The following SORCS2 variants were observed in gnomAD, a reference collection of about 807,000 sequenced individuals.
The protein encoded by SORCS2 is VPS10 domain-containing receptor SorCS2.
Under a neutral mutation model 141.6 loss-of-function variants are expected in SORCS2, and 100 were observed. The ratio of observed to expected loss-of-function variants is 0.71; its 90% CI spans 0.60 to 0.83. The LOEUF is 0.83. Ranked by LOEUF, SORCS2 falls within the 40% of genes least tolerant of loss-of-function variation. The pLI, the probability that SORCS2 is intolerant of heterozygous loss-of-function variation, is 0.00. For synonymous variants in SORCS2, 789 were observed against 676.9 expected, an observed-to-expected ratio of 1.17 and a Z score of -2.57; for missense variants, 1,646 against 1,560.2, an observed-to-expected ratio of 1.05 and a Z score of -0.93.
intron 1 of SORCS2, among the ~76,000 whole-genome samples, chr4:7,387,540 C>T (rs946235554): frequency 4.2e-4 from 64 of 150,614 alleles, no homozygotes; most frequent in Non-Finnish European, 4.6e-4. Context: ...CACATGCACA[C>T]ACATGCACAT....
chr4:7,597,791 G>T (rs555088270), intron 3 of SORCS2, among the ~76,000 whole-genome samples: 1 of 151,944 alleles, frequency 6.6e-6, no homozygotes, highest in Non-Finnish European at 1.5e-5. Flanking sequence ...CAGCTCAAAG[G>T]TCAGGCAGAA....
At position 7,667,274 on chromosome 4, in the gene SORCS2, G is replaced by A. The variant is rs539374155; in HGVS notation, c.1161+61G>A. The A allele has an allele frequency of 2.2e-4, 324 of 1,477,878 alleles. 1 individual carries two copies. The highest frequency in any genetic ancestry group is 2.1e-3 in the Middle Eastern group (12 of 5,728). 91.5% of individuals were successfully genotyped at this position (1,477,878 alleles called of 1,614,324 possible). On this transcript the variant is annotated intron_variant, in intron 8 of 26. Coordinates refer to ENST00000507866, the MANE Select transcript of SORCS2 (RefSeq NM_020777.3). ...AGACCCTAAGCTTATCCTGACTCAT[G>A]GGGCAACAGGACTCACACACAGGTG...
At chr4:7,391,290 C>T (rs1046880028) in intron 1 of SORCS2, among the ~76,000 whole-genome samples, 1 of 152,242 alleles carries the variant, frequency 6.6e-6, no homozygotes, top group African/African-American at 2.4e-5. Context: ...TTCCTCTGAG[C>T]CAGCCCCCTT....
chr4:7,591,810 C>T (rs1409469124), intron 3 of SORCS2, among the ~76,000 whole-genome samples: 4 of 152,258 alleles, frequency 2.6e-5, no homozygotes, highest in Middle Eastern at 3.4e-3. Context: ...CAGGGGTGCC[C>T]GCCGCACGGA....
intron 17 of SORCS2, among the ~76,000 whole-genome samples, chr4:7,716,849 A>T (rs1436272040): frequency 6.6e-6 from 1 of 152,252 alleles, no homozygotes; most frequent in Non-Finnish European, 1.5e-5. Context: ...ATTTCATCTC[A>T]TACCATCTGC....
chr4:7,463,002 G>C (rs1729405664), intron 2 of SORCS2, among the ~76,000 whole-genome samples: 1 of 151,774 alleles, frequency 6.6e-6, no homozygotes, highest in South Asian at 2.1e-4. Flanking sequence ...ACACCTCCCT[G>C]GTCTCTGCCA....
At chr4:7,491,008 C>T (rs1731283853) in intron 2 of SORCS2, among the ~76,000 whole-genome samples, 1 of 152,194 alleles carries the variant, frequency 6.6e-6, no homozygotes, top group African/African-American at 2.4e-5. Flanking sequence ...CCTCTCTGTC[C>T]CTGCCCTGCC....
chr4:7,240,069 C>T (rs1712585487), intron 1 of SORCS2, among the ~76,000 whole-genome samples: 1 of 152,188 alleles, frequency 6.6e-6, no homozygotes, highest in African/African-American at 2.4e-5. Context: ...CTAATTTCAG[C>T]TCTTGCCCTT....
chr4:7,487,860 T>C (rs1447274720), intron 2 of SORCS2, among the ~76,000 whole-genome samples: 17 of 152,292 alleles, frequency 1.1e-4, no homozygotes. Context: ...TGAACAGTAT[T>C]ATTTCCCAGG....
intron 6 of SORCS2, among the ~76,000 whole-genome samples, chr4:7,662,643 C>G (rs1232581820): frequency 6.6e-6 from 1 of 152,200 alleles, no homozygotes; most frequent in Admixed American, 6.5e-5. Context: ...ATTCACTGTC[C>G]GCATCACACC....
chr4:7,567,407 A>G (rs541162464), intron 3 of SORCS2, among the ~76,000 whole-genome samples: 2 of 152,024 alleles, frequency 1.3e-5, no homozygotes, highest in Non-Finnish European at 2.9e-5. Context: ...TGTTTGTGAT[A>G]ACTTTGACAT....
chr4:7,688,835 G>A (rs936747930), intron 10 of SORCS2, among the ~76,000 whole-genome samples: 3 of 152,196 alleles, frequency 2.0e-5, no homozygotes, highest in Non-Finnish European at 2.9e-5. Context: ...CTGGGACCCA[G>A]TATCTCAGGC....
chr4:7,633,725 A>C (rs1422771140), intron 3 of SORCS2, among the ~76,000 whole-genome samples: 1 of 152,222 alleles, frequency 6.6e-6, no homozygotes, highest in Non-Finnish European at 1.5e-5. Flanking sequence ...CAAACAAACA[A>C]TTCCCTTAGG....
chr4:7,736,992 C>A, intron 25 of SORCS2, 77 bp from the exon 26 acceptor site: 2 of 1,521,222 alleles, frequency 1.3e-6, no homozygotes, highest in South Asian at 2.5e-5. Flanking sequence ...TGTGGTCAGG[C>A]GGCCAGCGGA....
intron 2 of SORCS2, among the ~76,000 whole-genome samples, chr4:7,528,412 TTG>T (rs1491047241): frequency 4.9e-4 from 64 of 130,210 alleles, no homozygotes; most frequent in Non-Finnish European, 8.4e-4. Flanking sequence ...GTTTTTTTTT[TTG>T]TTGTTGTTTT....
chr4:7,321,999 G>C (rs938413715), intron 1 of SORCS2, among the ~76,000 whole-genome samples: 1 of 152,210 alleles, frequency 6.6e-6, no homozygotes, highest in African/African-American at 2.4e-5. Context: ...AGCAGCTGGG[G>C]CTGGTTGACT....
chr4:7,666,609 G>C (rs1016919014), intron 7 of SORCS2, among the ~76,000 whole-genome samples: 1 of 152,132 alleles, frequency 6.6e-6, no homozygotes, highest in African/African-American at 2.4e-5. Flanking sequence ...GAGGATATGT[G>C]GCCTCTGTAA....
In SORCS2 at chr4:7,388,075, TACAC is replaced by T. The variant is rs56113759; in HGVS notation, c.481-8205_481-8202del. ...GCACACACATACAGTTACACAGAGA[TACAC>T]ACACACATGCACACACATGCATGCA... On this transcript the variant is annotated intron_variant, in intron 1 of 26. Transcript: ENST00000507866. 2.3e-3 allele frequency among the ~76,000 whole-genome samples: 339 copies of T among 150,152 alleles called. 2 individuals carry two copies. Among genetic ancestry groups the T allele is most frequent in the African/African-American group, 7.1e-3 (290 of 40,792 alleles).
chr4:7,544,163 TCCATCCACTCAC>T (rs1260493794), intron 3 of SORCS2, among the ~76,000 whole-genome samples: 1 of 151,942 alleles, frequency 6.6e-6, no homozygotes, highest in South Asian at 2.1e-4. Context: ...CATCCACTCA[TCCATCCACTCAC>T]CCATCCTCCA....
Sources: allele counts gnomAD v4.1 joint callset (sites outside exome capture counted in the v4.1 genomes callset), GRCh38; gene constraint gnomAD v4.1.1; transcripts MANE v1.5; gene names NCBI Gene and HGNC (gene_info 2026-07-23, HGNC 2026-07-21).